The following ABR variants were observed in gnomAD, a reference collection of about 807,000 sequenced individuals.
ABR encodes the protein ABR activator of RhoGEF and GTPase, also known as active breakpoint cluster region-related protein.
In ABR, 35 loss-of-function variants were observed where a neutral mutation model predicts 107.2. That is an observed-to-expected ratio of 0.33 (90% confidence interval 0.25 to 0.43). The LOEUF (loss-of-function observed/expected upper bound fraction) is 0.43. Ranked by LOEUF, ABR falls within the 20% of genes least tolerant of loss-of-function variation. ABR has a pLI of 1.00. For synonymous variants in ABR, 498 were observed against 462.0 expected, an observed-to-expected ratio of 1.08 and a Z score of -1.00; for missense variants, 815 against 1,115.2, an observed-to-expected ratio of 0.73 and a Z score of 3.83.
intron 1 of ABR, among the ~76,000 whole-genome samples, chr17:1,212,382 G>C (rs2042919243): frequency 6.6e-6 from 1 of 151,952 alleles, no homozygotes; most frequent in Admixed American, 6.6e-5. Flanking sequence ...AGTGAGCCCT[G>C]ATCATGCCAC....
chr17:1,012,163 C>T (rs993745320), intron 18 of ABR, 178 bp from the exon 19 acceptor site: 39 of 1,000,072 alleles, frequency 3.9e-5, no homozygotes, highest in Non-Finnish European at 5.2e-5. Flanking sequence ...CCAGCCCACC[C>T]GAGGCCTGCC....
intron 16 of ABR, chr17:1,031,530 CG>C (rs2150912588): frequency 1.1e-4 from 37 of 341,662 alleles, no homozygotes; most frequent in Admixed American, 3.4e-4. Flanking sequence ...CCGCAGCCCC[CG>C]CAGCCCCCCG....
intron 1 of ABR, among the ~76,000 whole-genome samples, chr17:1,146,286 C>CACACACACAT (rs1315141006): frequency 6.7e-6 from 1 of 149,050 alleles, no homozygotes; most frequent in Admixed American, 6.6e-5. Context: ...CACACACACA[C>CACACACACAT]ACACACACAC....
At chr17:1,087,592 G>A (rs1045463773) in intron 4 of ABR, among the ~76,000 whole-genome samples, 27 of 152,030 alleles carry the variant, frequency 1.8e-4, no homozygotes, top group African/African-American at 6.5e-4. Context: ...TTAAAAGGGG[G>A]CGGGGCCGGA....
intron 1 of ABR, among the ~76,000 whole-genome samples, chr17:1,173,312 C>CA (rs2041810881): frequency 7.2e-5 from 8 of 111,550 alleles, no homozygotes; most frequent in Non-Finnish European, 1.4e-4. Context: ...GTCCACCCCC[C>CA]CCATCACCTC....
Position 1,078,603 on chromosome 17 carries a change from C to T in ABR, c.700+727G>A, listed in dbSNP as rs2035934412. On this transcript the variant is annotated intron_variant, in intron 6 of 22. Transcript: ENST00000302538. The surrounding 1 kb of genome is among the most constrained non-coding windows in gnomAD (Gnocchi z 7.5). Reference sequence around the variant, plus strand: ...CCACCTGGACCCCTCCAGCCTGGTCCTTCCATTTGCAAGCGGCCCTGCTCT... The same window carrying T: ...CCACCTGGACCCCTCCAGCCTGGTCTTTCCATTTGCAAGCGGCCCTGCTCT... 2.0e-5 allele frequency among the ~76,000 whole-genome samples: 3 copies of T among 152,158 alleles called. No individual in the cohort carries two copies. The highest frequency in any genetic ancestry group is 3.9e-4 in the East Asian group (2 of 5,168).
At chr17:1,146,613 A>C (rs111325094) in intron 1 of ABR, among the ~76,000 whole-genome samples, 2,858 of 148,274 alleles carry the variant, frequency 0.019, 104 homozygotes, top group African/African-American at 0.068. Flanking sequence ...CTGCCACATG[A>C]CACCACTGCC....
intron 1 of ABR, among the ~76,000 whole-genome samples, chr17:1,141,365 G>T (rs954229383): frequency 1.3e-5 from 2 of 152,138 alleles, no homozygotes; most frequent in African/African-American, 2.4e-5. Context: ...TCACACTCGG[G>T]TTCCATTCCT....
chr17:1,143,415 G>A (rs368834908), intron 1 of ABR, among the ~76,000 whole-genome samples: 10 of 39,290 alleles, frequency 2.5e-4, no homozygotes, highest in Non-Finnish European at 3.8e-4. Context: ...GGGGCAGCTC[G>A]CTCCTGGGGG....
Position 1,072,583 on chromosome 17 carries a change from G to C in ABR, c.894+31C>G, listed in dbSNP as rs187977553. 7.0e-6 allele frequency: 11 copies of C among 1,582,422 alleles called. No homozygotes were observed. The East Asian group carries it at 2.5e-4, about 36-fold the overall frequency. On this transcript the variant is annotated intron_variant, in intron 8 of 22. Coordinates refer to ENST00000302538, the MANE Select transcript of ABR (RefSeq NM_021962.5). ...GAGGGACCTGATACTTCTCAGCCTG[G>C]GTGAGGGGCCGTGCCGGGCTCTGAG...
chr17:1,135,265 G>A (rs1317010414), intron 1 of ABR, among the ~76,000 whole-genome samples: 1 of 152,344 alleles, frequency 6.6e-6, no homozygotes, highest in East Asian at 1.9e-4. Flanking sequence ...GCCGAGAGCC[G>A]TGCAGGACTC....
chr17:1,080,822 C>A (rs1431146623), intron 5 of ABR, among the ~76,000 whole-genome samples: 1 of 152,092 alleles, frequency 6.6e-6, no homozygotes, highest in Admixed American at 6.5e-5. Flanking sequence ...TGCCTGGACT[C>A]CCAGATTTCG....
At chr17:1,020,034 A>G (rs545099962) in intron 16 of ABR, among the ~76,000 whole-genome samples, 1 of 152,234 alleles carries the variant, frequency 6.6e-6, no homozygotes, top group Non-Finnish European at 1.5e-5. Flanking sequence ...CGACTGGGCC[A>G]GGGGTCGACG....
chr17:1,197,998 C>T (rs560007100), intron 1 of ABR, among the ~76,000 whole-genome samples: 3 of 151,826 alleles, frequency 2.0e-5, no homozygotes, highest in Admixed American at 1.3e-4. Flanking sequence ...CGGCTGGCCG[C>T]AGCCCCACGC....
At chr17:1,060,245 T>C (rs1181629095) in intron 10 of ABR, among the ~76,000 whole-genome samples, 4 of 151,986 alleles carry the variant, frequency 2.6e-5, no homozygotes, top group Non-Finnish European at 5.9e-5. Flanking sequence ...ACTCCGTCTC[T>C]ACTAAAAATG....
chr17:1,080,009 C>G (rs2036101779), intron 5 of ABR, among the ~76,000 whole-genome samples: 1 of 151,920 alleles, frequency 6.6e-6, no homozygotes, highest in South Asian at 2.1e-4. Context: ...GGAACCCCGA[C>G]TCAGGAACCC....
At chr17:1,045,417 A>G (rs1340056872) in intron 16 of ABR, among the ~76,000 whole-genome samples, 56 of 151,272 alleles carry the variant, frequency 3.7e-4, no homozygotes, top group Admixed American at 3.7e-3. Flanking sequence ...TTCTTACAGC[A>G]GGACAATCTT....
At chr17:1,113,285 T>TG (rs1247381942) in intron 2 of ABR, among the ~76,000 whole-genome samples, 2 of 138,930 alleles carry the variant, frequency 1.4e-5, no homozygotes, top group East Asian at 2.1e-4. Context: ...GCGATTTTTT[T>TG]TTTTTTTTTT....
rs775107747 is a variant in ABR, at chr17:1,007,242, G to A, written c.2413C>T (p.Leu805=). The A allele has an allele frequency of 8.7e-6, 14 of 1,614,040 alleles. No individual in the cohort carries two copies. The highest frequency in any genetic ancestry group is 1.2e-5 in the Non-Finnish European group (14 of 1,180,022). Residue 805 remains leucine, a synonymous_variant, in exon 22 of 23, where the codon CTG becomes TTG. Transcript: ENST00000302538. ...TTGCTCTCCACTTCTGAGGGTCTCAGTAACGTGGGTCCAAACACGGTAGCC... is the reference window on the plus strand; with the variant it reads ...TTGCTCTCCACTTCTGAGGGTCTCAATAACGTGGGTCCAAACACGGTAGCC... ...NLATVFGPTL[L]RPSEVESKAH...
Sources: gnomAD v4.1 joint callset for allele counts (sites outside exome capture counted in the v4.1 genomes callset) on GRCh38, gnomAD v4.1.1 for gene constraint, Gnocchi (gnomAD v3.1) non-coding constraint, MANE v1.5 for transcripts, NCBI Gene and HGNC (gene_info 2026-07-23, HGNC 2026-07-21) for gene names.